The following HPSE2 variants were observed in gnomAD, a reference collection of about 807,000 sequenced individuals.
HPSE2 encodes inactive heparanase-2.
HPSE2 carries 38 observed loss-of-function variants against 60.5 expected under a neutral mutation model. The observed-to-expected ratio is 0.63, with a 90% CI of 0.48 to 0.82. HPSE2 has a LOEUF of 0.82. Ranked by LOEUF, HPSE2 falls within the 40% of genes least tolerant of loss-of-function variation. The pLI is 0.00. For missense variants in HPSE2, 713 were observed against 740.4 expected (o/e 0.96, Z 0.43); for synonymous variants, 295 against 293.2 (o/e 1.01, Z -0.06).
Position 98,897,397 on chromosome 10 carries a change from G to A in HPSE2, c.611-153341C>T, listed in dbSNP as rs145344523. On this transcript the variant is annotated intron_variant, in intron 3 of 11. Transcript: ENST00000370552. Reference sequence around the variant, plus strand: ...GATCTAGAATAGCCAACACAATACTGAAGAACAGCATTGGAAGACTCACAC... The same window carrying A: ...GATCTAGAATAGCCAACACAATACTAAAGAACAGCATTGGAAGACTCACAC... 1.2e-3 allele frequency among the ~76,000 whole-genome samples: 188 copies of A among 152,154 alleles called. 2 individuals are homozygous for A. The East Asian group carries it at 0.026, about 21-fold the overall frequency.
At chr10:98,911,214 G>A (rs1225743173) in intron 3 of HPSE2, among the ~76,000 whole-genome samples, 3 of 152,148 alleles carry the variant, frequency 2.0e-5, no homozygotes, top group Non-Finnish European at 4.4e-5. Flanking sequence ...AAATTTTCTA[G>A]GGGCAGCACA....
At chr10:98,586,917 G>C (rs575165801) in intron 9 of HPSE2, among the ~76,000 whole-genome samples, 51 of 152,264 alleles carry the variant, frequency 3.3e-4, no homozygotes, top group Middle Eastern at 6.8e-3. Flanking sequence ...TCAAACCTGA[G>C]GGTTGCCATT....
chr10:98,705,685 C>T (rs979257259), intron 5 of HPSE2, among the ~76,000 whole-genome samples: 1 of 152,124 alleles, frequency 6.6e-6, no homozygotes. Flanking sequence ...TGTTCTCACT[C>T]ATAAGTGGGA....
intron 3 of HPSE2, among the ~76,000 whole-genome samples, chr10:98,877,518 T>C (rs1952910260): frequency 6.6e-6 from 1 of 151,894 alleles, no homozygotes; most frequent in Admixed American, 6.6e-5. Flanking sequence ...GGAACAAAAA[T>C]AGGCCCCATC....
chr10:99,050,795 C>T lies in HPSE2; in HGVS notation c.610+93443G>A, dbSNP rs535406554. Among the ~76,000 whole-genome samples, 4 of 152,194 alleles carry T rather than the reference C, an allele frequency of 2.6e-5. No individual in the cohort carries two copies. The South Asian group carries it at 8.3e-4, about 32-fold the overall frequency. On this transcript the variant is annotated intron_variant, in intron 3 of 11. Transcript: ENST00000370552. ...AATTCCACATGAAATCTAAAACAAT[C>T]GAACTCAGGGAAGCAGAGAGCAGAC...
chr10:98,522,677 C>T (rs879843987), intron 9 of HPSE2, among the ~76,000 whole-genome samples: 3 of 152,110 alleles, frequency 2.0e-5, no homozygotes, highest in Non-Finnish European at 2.9e-5. Flanking sequence ...GGGCTTTTAC[C>T]ATATTGGCCA....
intron 3 of HPSE2, among the ~76,000 whole-genome samples, chr10:98,893,052 TTTTTAA>T (rs1403259476): frequency 2.0e-4 from 31 of 152,062 alleles, no homozygotes; most frequent in African/African-American, 7.5e-4. Flanking sequence ...TTCATTTTTA[TTTTTAA>T]TTTTATTTAT....
At chr10:98,501,524 C>A (rs569553129) in intron 9 of HPSE2, among the ~76,000 whole-genome samples, 1 of 152,248 alleles carries the variant, frequency 6.6e-6, no homozygotes, top group East Asian at 1.9e-4. Context: ...AACTCTCCAG[C>A]AAAATCAGTA....
At chr10:99,140,990 T>C (rs1044425513) in intron 3 of HPSE2, among the ~76,000 whole-genome samples, 3 of 152,162 alleles carry the variant, frequency 2.0e-5, no homozygotes, top group Non-Finnish European at 2.9e-5. Context: ...TGAGCCGAGA[T>C]TGTGCCACTG....
chr10:98,558,386 A>C (rs991087631), intron 9 of HPSE2, among the ~76,000 whole-genome samples: 6 of 152,260 alleles, frequency 3.9e-5, no homozygotes, highest in Non-Finnish European at 5.9e-5. Flanking sequence ...AATAAAATGG[A>C]TTTATAAATT....
At chr10:99,060,965 AAG>A (rs1410659127) in intron 3 of HPSE2, among the ~76,000 whole-genome samples, 1 of 152,152 alleles carries the variant, frequency 6.6e-6, no homozygotes, top group Admixed American at 6.6e-5. Context: ...TGTTGGGGGT[AAG>A]AGAGTCAGGA....
intron 6 of HPSE2, among the ~76,000 whole-genome samples, chr10:98,655,312 T>C (rs569796205): frequency 9.8e-5 from 15 of 152,312 alleles, no homozygotes; most frequent in African/African-American, 3.1e-4. Flanking sequence ...AGGAAACCTT[T>C]TTTGGATCCC....
chr10:99,132,211 G>C (rs796712851), intron 3 of HPSE2, among the ~76,000 whole-genome samples: 2 of 18,426 alleles, frequency 1.1e-4, no homozygotes, highest in African/African-American at 1.7e-4. Context: ...GAGAGAGAGA[G>C]AGAGAGAGAG....
intron 3 of HPSE2, among the ~76,000 whole-genome samples, chr10:99,064,613 A>G (rs1303221149): frequency 6.6e-6 from 1 of 151,626 alleles, no homozygotes; most frequent in African/African-American, 2.4e-5. Flanking sequence ...AAATATATAT[A>G]TATATATATA....
intron 5 of HPSE2, among the ~76,000 whole-genome samples, chr10:98,696,561 A>G (rs574882645): frequency 4.0e-5 from 6 of 151,010 alleles, no homozygotes; most frequent in Non-Finnish European, 8.8e-5. Context: ...CATGGATTGG[A>G]AGATCCCATT....
At chr10:98,517,861 T>A (rs1268006745) in intron 9 of HPSE2, among the ~76,000 whole-genome samples, 1 of 152,246 alleles carries the variant, frequency 6.6e-6, no homozygotes, top group African/African-American at 2.4e-5. Context: ...CTTATTTGAC[T>A]GCGGTCAAAA....
At chr10:99,223,582 A>G (rs1380045451) in intron 2 of HPSE2, among the ~76,000 whole-genome samples, 1 of 152,200 alleles carries the variant, frequency 6.6e-6, no homozygotes, top group Non-Finnish European at 1.5e-5. Flanking sequence ...TATCTGCTAC[A>G]CAAAAACCAA....
chr10:98,625,747 T>C (rs1946190108), intron 7 of HPSE2, among the ~76,000 whole-genome samples: 2 of 152,160 alleles, frequency 1.3e-5, no homozygotes, highest in African/African-American at 2.4e-5. Flanking sequence ...AATTTCTAAA[T>C]AAAGACCCCA....
intron 10 of HPSE2, among the ~76,000 whole-genome samples, chr10:98,485,479 A>AGCT (rs1941407240): frequency 6.6e-6 from 1 of 152,186 alleles, no homozygotes; most frequent in Non-Finnish European, 1.5e-5. Flanking sequence ...CTCCTGCAAC[A>AGCT]TGTGAACTAG....
Sources: allele counts gnomAD v4.1 joint callset (sites outside exome capture counted in the v4.1 genomes callset), GRCh38; gene constraint gnomAD v4.1.1; transcripts MANE v1.5; gene names NCBI Gene and HGNC (gene_info 2026-07-23, HGNC 2026-07-21).